Variants in HNRNPUL2 observed in about 807,000 individuals in gnomAD.
HNRNPUL2 encodes heterogeneous nuclear ribonucleoprotein U like 2.
Under a neutral mutation model 102.2 loss-of-function variants are expected in HNRNPUL2, and 27 were observed. The ratio of observed to expected loss-of-function variants is 0.26; its 90% CI spans 0.19 to 0.36. HNRNPUL2 has a LOEUF of 0.36. HNRNPUL2 is among the 10% of genes least tolerant of loss of function. The pLI is 1.00. For missense variants in HNRNPUL2, 936 were observed against 981.1 expected, an observed-to-expected ratio of 0.95 and a Z score of 0.61; for synonymous variants, 458 against 387.2, an observed-to-expected ratio of 1.18 and a Z score of -2.15.
chr11:62,717,866 C>G (rs2083671968), intron 10 of HNRNPUL2, among the ~76,000 whole-genome samples: 1 of 152,176 alleles, frequency 6.6e-6, no homozygotes, highest in Admixed American at 6.5e-5. Context: ...GACAAGAGTA[C>G]AAGGGCTCTC....
chr11:62,721,199 TG>T, intron 9 of HNRNPUL2, 95 bp downstream of exon 9: 1 of 1,136,640 alleles, frequency 8.8e-7, no homozygotes. Context: ...CACAACCAGA[TG>T]GTCATAATTA....
In HNRNPUL2 at chr11:62,722,721, A is replaced by G. The variant is rs377209334; in HGVS notation, c.983-8T>C. The G allele has an allele frequency of 2.5e-6, 4 of 1,612,076 alleles. No homozygotes were observed. Among genetic ancestry groups the G allele is most frequent in the Non-Finnish European group, 3.4e-6 (4 of 1,178,184 alleles). On this transcript the variant is annotated splice_region_variant and splice_polypyrimidine_tract_variant and intron_variant, in intron 5 of 13. Transcript: ENST00000301785. Reference sequence around the variant, plus strand: ...AAGAGAATTCATCTTCACCTAGAACAGTCAACAAATTAGTTACCTACAACC... The same window carrying G: ...AAGAGAATTCATCTTCACCTAGAACGGTCAACAAATTAGTTACCTACAACC...
In HNRNPUL2 at chr11:62,715,379, A is replaced by C. The variant is rs2083652093; in HGVS notation, c.2164T>G (p.Trp722Gly). Reference protein sequence around the residue: ...RDYYRQYNRDWQSYYYHHPQD... With the variant: ...RDYYRQYNRDGQSYYYHHPQD... ...GGGTGGTGGTAGTAGTAACTCTGCC[A>C]CTAGAAGAGAGGGAAACCCCATCAC... Residue 722 changes from tryptophan to glycine, a missense_variant and splice_region_variant, in exon 14 of 14, where the codon TGG becomes GGG. Trp to Gly is a radical substitution (Grantham distance 184). This residue lies in a region of HNRNPUL2 where 609 missense variants were observed against 713.0 expected (regional missense o/e 0.85). Coordinates refer to ENST00000301785, the MANE Select transcript of HNRNPUL2 (RefSeq NM_001079559.3). 22 of 1,612,984 alleles carry C rather than the reference A, an allele frequency of 1.4e-5. No individual in the cohort carries two copies. Among genetic ancestry groups the C allele is most frequent in the Non-Finnish European group, 1.9e-5 (22 of 1,179,408 alleles).
chr11:62,714,768 A>C lies in HNRNPUL2; in HGVS notation c.*531T>G, dbSNP rs1385834319. 1 of 153,584 alleles carries C rather than the reference A, an allele frequency of 6.5e-6. No homozygotes were observed. Among genetic ancestry groups the C allele is most frequent in the Non-Finnish European group, 1.4e-5 (1 of 69,094 alleles). The allele number at this position is 153,584 out of a possible 1,614,324, so 9.5% of individuals were successfully genotyped here. Reference sequence around the variant, plus strand: ...AACGGTTAGTTGGTGCAAGTGATTGATAAGAGCCAATCGTTTATTTTCACT... The same window carrying C: ...AACGGTTAGTTGGTGCAAGTGATTGCTAAGAGCCAATCGTTTATTTTCACT... On this transcript the variant is annotated 3_prime_UTR_variant, in exon 14 of 14. Coordinates refer to ENST00000301785, the MANE Select transcript of HNRNPUL2 (RefSeq NM_001079559.3).
chr11:62,716,045 A>G, intron 11 of HNRNPUL2, 108 bp from the exon 12 acceptor site: 1 of 787,686 alleles, frequency 1.3e-6, no homozygotes. Flanking sequence ...GGGGAATATG[A>G]GGCCTGCTTC....
chr11:62,716,898 CTT>C (rs2083664370), intron 11 of HNRNPUL2, 89 bp downstream of exon 11: 1 of 1,338,954 alleles, frequency 7.5e-7, no homozygotes, highest in South Asian at 1.2e-5. Context: ...AATGACCTGA[CTT>C]GGTTTCCTTG....
chr11:62,715,554 C>T lies in HNRNPUL2; in HGVS notation c.2109G>A (p.Gly703=), dbSNP rs1453254308. 2 of 1,613,386 alleles carry T rather than the reference C, an allele frequency of 1.2e-6. No homozygotes were observed. Among genetic ancestry groups the T allele is most frequent in the Admixed American group, 1.7e-5 (1 of 59,988 alleles). Residue 703 remains glycine, a synonymous_variant, in exon 13 of 14, where the codon GGG becomes GGA. Transcript: ENST00000301785. ...TGTATCTGTTGTACTCATAATCTCG[C>T]CCGTAAAATCGATCATAGTCTCCCC... is the stretch of plus-strand genomic sequence containing the variant. The part of the protein sequence containing the change: ...RYRGDYDRFY[G]RDYEYNRYRD...
rs1254763925 is a variant in HNRNPUL2, at chr11:62,726,903, T to A, written c.254A>T (p.Asp85Val). 1 of 1,507,666 alleles carries A rather than the reference T, an allele frequency of 6.6e-7. No homozygotes were observed. Among genetic ancestry groups the A allele is most frequent in the African/African-American group, 1.4e-5 (1 of 69,968 alleles). The allele number at this position is 1,507,666 out of a possible 1,614,324, so 93.4% of individuals were successfully genotyped here. Reference protein sequence around the residue: ...EEEDEEEEEEDEEALLEDEDE... With the variant: ...EEEDEEEEEEVEEALLEDEDE... ...CTCGTCCTCAAGCAGCGCCTCCTCG[T>A]CCTCCTCCTCCTCCTCTTCGTCCTC... is the stretch of plus-strand genomic sequence containing the variant. The change falls in exon 1 of 14, where the codon GAC becomes GTC. Residue 85 changes from aspartate (D) to valine (V), a missense_variant. Asp to Val is a radical substitution (Grantham distance 152). Coordinates refer to ENST00000301785, the MANE Select transcript of HNRNPUL2 (RefSeq NM_001079559.3).
intron 2 of HNRNPUL2, 142 bp from the exon 3 acceptor site, chr11:62,724,132 G>C: frequency 1.7e-6 from 2 of 1,181,828 alleles, no homozygotes; most frequent in Non-Finnish European, 2.4e-6. Context: ...AAATGAGAAA[G>C]GGCAATAGGA....
chr11:62,716,707 T>A (rs570282996), intron 11 of HNRNPUL2, among the ~76,000 whole-genome samples: 104 of 152,304 alleles, frequency 6.8e-4, no homozygotes, highest in African/African-American at 2.4e-3. Flanking sequence ...GAAAACTAGA[T>A]AGATGAGAAA....
chr11:62,714,911 G>T lies in HNRNPUL2; in HGVS notation c.*388C>A. 1 of 183,088 alleles carries T rather than the reference G, an allele frequency of 5.5e-6. No homozygotes were observed. The highest frequency in any genetic ancestry group is 1.2e-5 in the Non-Finnish European group (1 of 86,940). The allele number at this position is 183,088 out of a possible 1,614,324, so 11.3% of individuals were successfully genotyped here. ...ACCACCTCATCACTCTCCTTTACTTGGCTGCCAGTCCAGCTGCCTCAGAAT... is the reference window on the plus strand; with the variant it reads ...ACCACCTCATCACTCTCCTTTACTTTGCTGCCAGTCCAGCTGCCTCAGAAT... On this transcript the variant is annotated 3_prime_UTR_variant, in exon 14 of 14. Coordinates refer to ENST00000301785, the MANE Select transcript of HNRNPUL2 (RefSeq NM_001079559.3).
In HNRNPUL2 at chr11:62,713,038, G is replaced by A. The variant is rs1203179484; in HGVS notation, c.*2261C>T. 1.3e-5 allele frequency: 2 copies of A among 152,116 alleles called. No homozygotes were observed. The highest frequency in any genetic ancestry group is 3.8e-4 in the East Asian group (2 of 5,196). The allele number at this position is 152,116 out of a possible 1,614,324, so 9.4% of individuals were successfully genotyped here. On this transcript the variant is annotated 3_prime_UTR_variant, in exon 14 of 14. Coordinates refer to ENST00000301785, the MANE Select transcript of HNRNPUL2 (RefSeq NM_001079559.3). Reference sequence around the variant, plus strand: ...CTACTGTTGTTGCAAATGATCTCTTGGACTAAACCAACAAGGATGTGGCAG... The same window carrying A: ...CTACTGTTGTTGCAAATGATCTCTTAGACTAAACCAACAAGGATGTGGCAG...
In HNRNPUL2 at chr11:62,715,323, G is replaced by C. The variant is rs2083651582; in HGVS notation, c.2220C>G (p.Tyr740Ter). The change falls in exon 14 of 14, where the codon TAC becomes TAG. Residue 740 changes from tyrosine to a stop codon, truncating the protein, a stop_gained. Coordinates refer to ENST00000301785, the MANE Select transcript of HNRNPUL2 (RefSeq NM_001079559.3). LOFTEE classifies it high-confidence loss of function. ...PQDRDRYYRN[Y>*]YGYQGYR ...TTCACCGATACCCTTGGTACCCGTA[G>C]TAATTCCTGTAGTATCGGTCTCTGT... 2.5e-6 allele frequency: 4 copies of C among 1,613,188 alleles called. No homozygotes were observed. The highest frequency in any genetic ancestry group is 3.4e-6 in the Non-Finnish European group (4 of 1,179,786).
chr11:62,721,263 C>T, intron 9 of HNRNPUL2, 32 bp downstream of exon 9: 1 of 1,586,718 alleles, frequency 6.3e-7, no homozygotes, highest in African/African-American at 1.4e-5. Context: ...CACATCCCAC[C>T]TTGACTCTAG....
intron 1 of HNRNPUL2, 59 bp from the exon 2 acceptor site, chr11:62,724,485 A>C: frequency 1.8e-5 from 28 of 1,587,370 alleles, no homozygotes; most frequent in South Asian, 3.3e-5. Context: ...GAATAAGCTC[A>C]CAACTAATAG....
In HNRNPUL2 at chr11:62,722,125, C is replaced by T. The variant is rs1438983393; in HGVS notation, c.1351G>A (p.Glu451Lys). The T allele has an allele frequency of 1.2e-6, 2 of 1,613,582 alleles. No homozygotes were observed. Among genetic ancestry groups the T allele is most frequent in the Non-Finnish European group, 1.7e-6 (2 of 1,179,816 alleles). ...TATACTGTTTGGCATACCTCACATT[C>T]CTCTATGGTCTTGGGAGGGACTGCA... is the stretch of plus-strand genomic sequence containing the variant. ...RTAVPPKTIEECEVILMVGLP... is the reference protein window; with the variant it reads ...RTAVPPKTIEKCEVILMVGLP... Residue 451 changes from glutamate (E) to lysine (K), a missense_variant, in exon 7 of 14, where the codon GAA becomes AAA. Physicochemically the swap from Glu to Lys is moderately conservative, Grantham distance 56 (BLOSUM62 1). Coordinates refer to ENST00000301785, the MANE Select transcript of HNRNPUL2 (RefSeq NM_001079559.3).
At chr11:62,721,795 C>T (rs496032) in intron 8 of HNRNPUL2, 25 bp downstream of exon 8, 1,225,254 of 1,611,736 alleles carry the variant, frequency 0.76, 466,980 homozygotes, top group Admixed American at 0.84. Flanking sequence ...ATACTGTATC[C>T]GACAAATCCC....
At chr11:62,721,538 A>G in intron 8 of HNRNPUL2, 115 bp from the exon 9 acceptor site, 1 of 1,001,474 alleles carries the variant, frequency 1.0e-6, no homozygotes. Context: ...CTATGATATC[A>G]CTCTATTCCC....
In HNRNPUL2 at chr11:62,721,868, C is replaced by G; in HGVS notation, c.1434G>C (p.Glu478Asp). The G allele has an allele frequency of 6.2e-7, 1 of 1,614,188 alleles. No homozygotes were observed. Residue 478 changes from glutamate to aspartate, a missense_variant, in exon 8 of 14, where the codon GAG (glutamate) becomes GAC (aspartate). Around this residue, in one of 2 missense-constraint regions of HNRNPUL2, gnomAD observed 609 missense variants for 713.0 expected, o/e 0.85. Transcript: ENST00000301785. ...CAGCTCCCAGGACATTGTATCTTTT[C>G]TCAGGGTTTTCTTTTGCATATTTCA... ...WALKYAKENPEKRYNVLGAET... is the reference protein window; with the variant it reads ...WALKYAKENPDKRYNVLGAET...
Sources: gnomAD v4.1 joint callset for allele counts (sites outside exome capture counted in the v4.1 genomes callset) on GRCh38, gnomAD v4.1.1 for gene constraint, gnomAD v4.1.1 regional missense constraint, MANE v1.5 for transcripts, NCBI Gene and HGNC (gene_info 2026-07-23, HGNC 2026-07-21) for gene names.